Variants in LHFPL3 observed in about 807,000 individuals in gnomAD.
LHFPL3 encodes LHFPL tetraspan subfamily member 3, also known as LHFPL tetraspan subfamily member 3 protein.
A neutral mutation model predicts 19.3 loss-of-function variants in LHFPL3; 5 were observed. That is an observed-to-expected ratio of 0.26 (90% CI 0.14 to 0.54). The LOEUF (loss-of-function observed/expected upper bound fraction) is 0.54, where lower values mean the gene tolerates loss of function less well. Among genes scored for constraint, LHFPL3 ranks in the 20% least tolerant of loss-of-function variants. The pLI, the probability that LHFPL3 is intolerant of heterozygous loss-of-function variation, is 0.94. For missense variants in LHFPL3, 249 were observed against 307.4 expected (o/e 0.81, Z 1.42); for synonymous variants, 133 against 126.2 (o/e 1.05, Z -0.36).
intron 1 of LHFPL3, among the ~76,000 whole-genome samples, chr7:104,611,094 C>G (rs755770104): frequency 6.6e-6 from 1 of 152,136 alleles, no homozygotes; most frequent in African/African-American, 2.4e-5. Context: ...AAAGGCAGTG[C>G]TAGGCTGATA....
intron 2 of LHFPL3, among the ~76,000 whole-genome samples, chr7:104,869,760 T>C (rs1791796383): frequency 6.6e-6 from 1 of 152,194 alleles, no homozygotes; most frequent in African/African-American, 2.4e-5. Flanking sequence ...CAGAGGATTA[T>C]AAATCATGCT....
intron 1 of LHFPL3, among the ~76,000 whole-genome samples, chr7:104,589,000 G>C (rs912823013): frequency 1.3e-5 from 2 of 152,192 alleles, no homozygotes; most frequent in African/African-American, 4.8e-5. Context: ...ATCAGCTTAA[G>C]AAGATTTTGG....
chr7:104,594,134 T>C (rs1584425823), intron 1 of LHFPL3, among the ~76,000 whole-genome samples: 2 of 152,230 alleles, frequency 1.3e-5, no homozygotes, highest in Admixed American at 6.5e-5. Context: ...ATAGCATCAG[T>C]AGTTTTTACA....
rs372338526 is a variant in LHFPL3 at position 104,860,823 on chromosome 7, C to G, written c.683-45364C>G. Among the ~76,000 whole-genome samples, 13 of 152,252 alleles carry G rather than the reference C, an allele frequency of 8.5e-5. No homozygotes were observed. In the South Asian group the frequency reaches 2.7e-3, roughly 32 times the overall value. On this transcript the variant is annotated intron_variant, in intron 2 of 2. Coordinates refer to ENST00000424859, the MANE Select transcript of LHFPL3 (RefSeq NM_199000.3). ...AGAAAAATTAAATAAAATATTTAAGCTTATATCTCCTGTCTCCAGAGTAGA... is the reference window on the plus strand; with the variant it reads ...AGAAAAATTAAATAAAATATTTAAGGTTATATCTCCTGTCTCCAGAGTAGA...
chr7:104,468,825 A>G (rs942674963), intron 1 of LHFPL3, among the ~76,000 whole-genome samples: 5 of 151,518 alleles, frequency 3.3e-5, no homozygotes, highest in Admixed American at 6.6e-5. Flanking sequence ...CACCCAGCCA[A>G]TTTTTTTGTA....
intron 1 of LHFPL3, among the ~76,000 whole-genome samples, chr7:104,409,228 A>T (rs943703446): frequency 1.3e-5 from 2 of 151,628 alleles, no homozygotes; most frequent in African/African-American, 4.8e-5. Flanking sequence ...ATAGCTCTCA[A>T]TCCCTGCTTT....
chr7:104,365,801 A>AAAAAAAAAAAAAAAAG (rs893610992), intron 1 of LHFPL3, among the ~76,000 whole-genome samples: 2 of 142,252 alleles, frequency 1.4e-5, no homozygotes, highest in Non-Finnish European at 3.1e-5. Flanking sequence ...AAAAAAAAAA[A>AAAAAAAAAAAAAAAAG]AAAAGAAAAG....
chr7:104,491,654 C>T (rs1793354851), intron 1 of LHFPL3, among the ~76,000 whole-genome samples: 1 of 152,120 alleles, frequency 6.6e-6, no homozygotes, highest in African/African-American at 2.4e-5. Flanking sequence ...CCACCCACTT[C>T]CCATTGGAAG....
intron 1 of LHFPL3, among the ~76,000 whole-genome samples, chr7:104,702,039 G>C (rs4730036): frequency 0.99 from 150,858 of 151,744 alleles, 74,996 homozygotes; most frequent in East Asian, 1. Flanking sequence ...CCCCCACCCC[G>C]TGACAGGCCC....
chr7:104,829,143 A>G (rs1258055275), intron 2 of LHFPL3, among the ~76,000 whole-genome samples: 3 of 151,826 alleles, frequency 2.0e-5, no homozygotes, highest in African/African-American at 4.9e-5. Flanking sequence ...CCTCACTCCC[A>G]GGGGAAACAG....
At chr7:104,877,567 G>A (rs974323978) in intron 2 of LHFPL3, among the ~76,000 whole-genome samples, 1 of 152,166 alleles carries the variant, frequency 6.6e-6, no homozygotes, top group African/African-American at 2.4e-5. Context: ...AAACCACAAT[G>A]AGATATCACT....
intron 1 of LHFPL3, among the ~76,000 whole-genome samples, chr7:104,478,724 C>G (rs753874631): frequency 2.6e-5 from 4 of 152,188 alleles, no homozygotes; most frequent in Admixed American, 6.5e-5. Context: ...GGCTACTAAT[C>G]AAAGAGCCTT....
chr7:104,668,377 A>C, intron 1 of LHFPL3: 2 of 1,592,982 alleles, frequency 1.3e-6, no homozygotes, highest in Non-Finnish European at 1.7e-6. Flanking sequence ...ACCTTTGATG[A>C]CTACCCACCT....
intron 1 of LHFPL3, among the ~76,000 whole-genome samples, chr7:104,635,710 A>G (rs1365281850): frequency 6.6e-6 from 1 of 152,196 alleles, no homozygotes; most frequent in Non-Finnish European, 1.5e-5. Context: ...GGAGTAAACC[A>G]AGAGAAAGGA....
At chr7:104,653,468 C>A (rs1792069142) in intron 1 of LHFPL3, among the ~76,000 whole-genome samples, 1 of 152,172 alleles carries the variant, frequency 6.6e-6, no homozygotes, top group African/African-American at 2.4e-5. Flanking sequence ...CAGGGGCCAG[C>A]AAATTTTCTC....
At chr7:104,596,977 T>C (rs1447315848) in intron 1 of LHFPL3, among the ~76,000 whole-genome samples, 1 of 152,228 alleles carries the variant, frequency 6.6e-6, no homozygotes, top group Non-Finnish European at 1.5e-5. Context: ...GCTGAATAAA[T>C]GTTTTTTGAA....
intron 2 of LHFPL3, among the ~76,000 whole-genome samples, chr7:104,892,709 A>C (rs1792275327): frequency 1.4e-4 from 1 of 6,986 alleles, no homozygotes. Context: ...AGACTGTCTC[A>C]AAAAAAAAAA....
chr7:104,831,573 CT>C (rs1562807425), intron 2 of LHFPL3, among the ~76,000 whole-genome samples: 1 of 151,910 alleles, frequency 6.6e-6, no homozygotes, highest in Non-Finnish European at 1.5e-5. Flanking sequence ...CCCACCCCTT[CT>C]TTACCCAAAC....
At chr7:104,476,404 C>A (rs992494183) in intron 1 of LHFPL3, among the ~76,000 whole-genome samples, 1 of 151,842 alleles carries the variant, frequency 6.6e-6, no homozygotes, top group African/African-American at 2.4e-5. Context: ...AAATGACTTA[C>A]ACTGAAATGA....
Sources: gnomAD v4.1 joint callset for allele counts (sites outside exome capture counted in the v4.1 genomes callset) on GRCh38, gnomAD v4.1.1 for gene constraint, MANE v1.5 for transcripts, NCBI Gene and HGNC (gene_info 2026-07-23, HGNC 2026-07-21) for gene names.